The following MRTFB variants were observed in gnomAD, a reference collection of about 807,000 sequenced individuals.
MRTFB encodes the protein myocardin-related transcription factor B.
MRTFB carries 29 observed loss-of-function variants against 104.2 expected under a neutral mutation model. That is an observed-to-expected ratio of 0.28 (90% CI 0.21 to 0.38). The LOEUF is 0.38. Among genes scored for constraint, MRTFB ranks in the 10% least tolerant of loss-of-function variants. The pLI, the probability that MRTFB is intolerant of heterozygous loss-of-function variation, is 1.00. For missense variants in MRTFB, 1,270 were observed against 1,341.6 expected (o/e 0.95, Z 0.83); for synonymous variants, 535 against 519.5 (o/e 1.03, Z -0.41).
At chr16:14,008,938 T>TTTATTTATTTATTTATTTATTTA in the MRTFB span, among the ~76,000 whole-genome samples, 1 of 148,556 alleles carries the variant, frequency 6.7e-6, no homozygotes, top group Non-Finnish European at 1.5e-5. Flanking sequence ...TTTTTTAAAA[T>TTTATTTATTTATTTATTTATTTA]TTTATGTATT....
chr16:14,247,815 G>A (rs992131413), intron 12 of MRTFB: 15 of 294,928 alleles, frequency 5.1e-5, no homozygotes, highest in African/African-American at 3.2e-4. Context: ...CTGCCGCTGA[G>A]CACTTTCTGG....
intron 1 of MRTFB, among the ~76,000 whole-genome samples, chr16:14,077,381 G>A (rs1182919981): frequency 6.6e-6 from 1 of 152,174 alleles, no homozygotes; most frequent in African/African-American, 2.4e-5. Flanking sequence ...TGATGGTGGT[G>A]TGAGTTTCTG....
the MRTFB span, among the ~76,000 whole-genome samples, chr16:14,022,916 C>G: frequency 6.6e-6 from 1 of 151,948 alleles, no homozygotes; most frequent in Non-Finnish European, 1.5e-5. Context: ...AGGCTGGTCT[C>G]AAACTCCCGA....
At chr16:14,197,544 A>G (rs745517765) in intron 3 of MRTFB, among the ~76,000 whole-genome samples, 6 of 152,216 alleles carry the variant, frequency 3.9e-5, no homozygotes, top group Non-Finnish European at 8.8e-5. Flanking sequence ...TTATTTTGTT[A>G]ATTTATTCTT....
chr16:14,054,127 G>A, the MRTFB span, among the ~76,000 whole-genome samples: 1 of 152,082 alleles, frequency 6.6e-6, no homozygotes, highest in Non-Finnish European at 1.5e-5. Flanking sequence ...TCCTGACTCA[G>A]GGCTTTGCGC....
chr16:14,198,876 G>T (rs1485215554), intron 3 of MRTFB, among the ~76,000 whole-genome samples: 1 of 152,116 alleles, frequency 6.6e-6, no homozygotes, highest in Non-Finnish European at 1.5e-5. Flanking sequence ...TGCCTTCAAG[G>T]TACCTGCTAT....
chr16:14,118,852 A>G (rs1485578082), intron 2 of MRTFB, among the ~76,000 whole-genome samples: 1 of 152,046 alleles, frequency 6.6e-6, no homozygotes, highest in Non-Finnish European at 1.5e-5. Context: ...CATACTGTGT[A>G]TATATTTCTG....
intron 10 of MRTFB, among the ~76,000 whole-genome samples, chr16:14,244,332 G>A (rs1265324704): frequency 6.6e-6 from 1 of 152,088 alleles, no homozygotes; most frequent in African/African-American, 2.4e-5. Flanking sequence ...GGGCTATTAG[G>A]AATAACCCCA....
intron 3 of MRTFB, among the ~76,000 whole-genome samples, chr16:14,174,430 C>A (rs1385422943): frequency 6.6e-6 from 1 of 152,170 alleles, no homozygotes; most frequent in Non-Finnish European, 1.5e-5. Context: ...CGCTTGTAAT[C>A]CCAGCACTTT....
chr16:14,140,592 A>G lies in MRTFB; in HGVS notation c.-15A>G. The stretch of plus-strand genomic sequence containing the variant: ...GAGGCGTCTTACACTCCCTGTTGCC[A>G]GTGGCTGGAACACAATGGATCACAC... On this transcript the variant is annotated 5_prime_UTR_variant, in exon 3 of 17. Transcript: ENST00000571589. The G allele has an allele frequency of 1.2e-6, 2 of 1,613,970 alleles. No homozygotes were observed. Among genetic ancestry groups the G allele is most frequent in the Non-Finnish European group, 1.7e-6 (2 of 1,179,924 alleles).
intron 3 of MRTFB, among the ~76,000 whole-genome samples, chr16:14,189,035 A>G (rs771015270): frequency 1.3e-5 from 2 of 152,184 alleles, no homozygotes; most frequent in African/African-American, 2.4e-5. Flanking sequence ...TTTATATCTC[A>G]ACAGACTAAA....
intron 2 of MRTFB, among the ~76,000 whole-genome samples, chr16:14,080,841 C>A (rs1596721991): frequency 6.6e-6 from 1 of 152,136 alleles, no homozygotes; most frequent in Non-Finnish European, 1.5e-5. Flanking sequence ...ACAGGATTTC[C>A]GTTTTTATAG....
chr16:14,009,466 A>T, the MRTFB span: 2 of 152,230 alleles, frequency 1.3e-5, no homozygotes, highest in Non-Finnish European at 2.9e-5. Context: ...AAACAGAGAC[A>T]GTTTTATTTC....
chr16:14,213,756 G>T, intron 6 of MRTFB, 136 bp downstream of exon 6: 1 of 604,396 alleles, frequency 1.7e-6, no homozygotes, highest in East Asian at 3.0e-5. Flanking sequence ...ATAGCAACAT[G>T]AAGACCCAAA....
the MRTFB span, among the ~76,000 whole-genome samples, chr16:14,044,017 A>T: frequency 2.0e-5 from 3 of 152,176 alleles, no homozygotes; most frequent in African/African-American, 7.2e-5. Flanking sequence ...ACCTTATGAG[A>T]CTTATGAGAC....
chr16:14,061,279 G>C, the MRTFB span, among the ~76,000 whole-genome samples: 1 of 152,188 alleles, frequency 6.6e-6, no homozygotes, highest in Non-Finnish European at 1.5e-5. Flanking sequence ...GAGACACAGA[G>C]CTCTGGCCCA....
At chr16:14,110,100 C>T (rs771834999) in intron 2 of MRTFB, among the ~76,000 whole-genome samples, 1 of 152,198 alleles carries the variant, frequency 6.6e-6, no homozygotes, top group Non-Finnish European at 1.5e-5. Flanking sequence ...TATGGACTTA[C>T]TAGAAACATC....
chr16:14,019,640 C>T, the MRTFB span, among the ~76,000 whole-genome samples: 1 of 152,202 alleles, frequency 6.6e-6, no homozygotes, highest in Admixed American at 6.5e-5. Flanking sequence ...AGCTGCAGTG[C>T]AAGCTTCACG....
At chr16:14,027,467 C>A in the MRTFB span, among the ~76,000 whole-genome samples, 1 of 152,070 alleles carries the variant, frequency 6.6e-6, no homozygotes, top group Non-Finnish European at 1.5e-5. Flanking sequence ...ATGGTAGATA[C>A]AGAAATCTCT....
Sources: allele counts gnomAD v4.1 joint callset (sites outside exome capture counted in the v4.1 genomes callset), GRCh38; gene constraint gnomAD v4.1.1; transcripts MANE v1.5; gene names NCBI Gene and HGNC (gene_info 2026-07-23, HGNC 2026-07-21).